KCNQ3: variants seen among roughly 807,000 people sequenced by gnomAD.
KCNQ3 encodes potassium voltage-gated channel subfamily Q member 3, also known as potassium voltage-gated channel subfamily KQT member 3.
A neutral mutation model predicts 92.5 loss-of-function variants in KCNQ3; 30 were observed. That is an observed-to-expected ratio of 0.32 (90% CI 0.24 to 0.44). The LOEUF (loss-of-function observed/expected upper bound fraction) is 0.44, where lower values mean the gene tolerates loss of function less well. Ranked by LOEUF, KCNQ3 falls within the 20% of genes least tolerant of loss-of-function variation. The pLI, the probability that KCNQ3 is intolerant of heterozygous loss-of-function variation, is 1.00. For synonymous variants in KCNQ3, 450 were observed against 468.8 expected (o/e 0.96, Z 0.52); for missense variants, 913 against 1,140.3 (o/e 0.80, Z 2.87).
rs1824618474 is a variant in KCNQ3, at chr8:132,125,042, T to C, written c.*4220A>G. 1 of 152,202 alleles carries C rather than the reference T, an allele frequency of 6.6e-6. No homozygotes were observed. The highest frequency in any genetic ancestry group is 2.4e-5 in the African/African-American group (1 of 41,450). 9.4% of individuals were successfully genotyped at this position (152,202 alleles called of 1,614,324 possible). On this transcript the variant is annotated 3_prime_UTR_variant, in exon 15 of 15. Transcript: ENST00000388996. Reference sequence around the variant, plus strand: ...CATAGTCTGTATCATAAGCTTCTCTTGGTCAACATAATGAAATGAAAGTAA... The same window carrying C: ...CATAGTCTGTATCATAAGCTTCTCTCGGTCAACATAATGAAATGAAAGTAA...
intron 1 of KCNQ3, among the ~76,000 whole-genome samples, chr8:132,229,865 C>T (rs1724106054): frequency 6.6e-6 from 1 of 152,152 alleles, no homozygotes; most frequent in Non-Finnish European, 1.5e-5. Context: ...ATTCTAATGA[C>T]ATGCCACAAA....
chr8:132,209,797 T>C (rs982886977), intron 1 of KCNQ3, among the ~76,000 whole-genome samples: 2 of 152,198 alleles, frequency 1.3e-5, no homozygotes, highest in Non-Finnish European at 2.9e-5. Flanking sequence ...AGCTATGATG[T>C]TCAGTAGTTC....
chr8:132,159,439 T>A (rs949650826), intron 9 of KCNQ3, among the ~76,000 whole-genome samples: 4 of 152,156 alleles, frequency 2.6e-5, no homozygotes, highest in Admixed American at 6.5e-5. Flanking sequence ...GGTCCAGAGC[T>A]TAGACAGTAG....
At chr8:132,392,464 G>A (rs1030082361) in intron 1 of KCNQ3, among the ~76,000 whole-genome samples, 1 of 151,838 alleles carries the variant, frequency 6.6e-6, no homozygotes, top group African/African-American at 2.4e-5. Context: ...TCCATCCCAG[G>A]GTCTTTGCAC....
chr8:132,203,366 G>T (rs1214237307), intron 1 of KCNQ3, among the ~76,000 whole-genome samples: 1 of 152,196 alleles, frequency 6.6e-6, no homozygotes, highest in African/African-American at 2.4e-5. Context: ...TGTCAAGGAA[G>T]ACCCTGGGTC....
chr8:132,437,902 C>T (rs554878259), intron 1 of KCNQ3, among the ~76,000 whole-genome samples: 1 of 152,298 alleles, frequency 6.6e-6, no homozygotes, highest in South Asian at 2.1e-4. Context: ...AAGAACATTG[C>T]CCCAGGAAAA....
At chr8:132,229,190 G>A (rs1814544127) in intron 1 of KCNQ3, among the ~76,000 whole-genome samples, 2 of 151,502 alleles carry the variant, frequency 1.3e-5, no homozygotes, top group South Asian at 4.2e-4. Context: ...GGAGGAAGAG[G>A]TTGCAGTGAG....
chr8:132,394,156 T>C (rs1327343016), intron 1 of KCNQ3, among the ~76,000 whole-genome samples: 2 of 152,224 alleles, frequency 1.3e-5, no homozygotes, highest in African/African-American at 4.8e-5. Flanking sequence ...GCGCAAGTAC[T>C]CTCAGGGCCT....
At chr8:132,256,176 A>G (rs947504501) in intron 1 of KCNQ3, among the ~76,000 whole-genome samples, 7 of 152,172 alleles carry the variant, frequency 4.6e-5, no homozygotes, top group African/African-American at 1.7e-4. Flanking sequence ...ACAAAGACAG[A>G]ATCTATATGT....
At position 132,129,417 on chromosome 8, in the gene KCNQ3, C is replaced by A. The variant is rs143789582; in HGVS notation, c.2464G>T (p.Gly822Trp). Residue 822 changes from glycine to tryptophan, a missense_variant, in exon 15 of 15, where the codon GGG (glycine) becomes TGG (tryptophan). Coordinates refer to ENST00000388996, the MANE Select transcript of KCNQ3 (RefSeq NM_004519.4). The surrounding 1 kb of genome is among the most constrained non-coding windows in gnomAD (Gnocchi z 5.9). ...TTCTCCCTCATCCAGCTCGACCCCC[C>A]ATTGGGGCCGAACACATAATCATCT... ...DRDDYVFGPN[G>W]GSSWMREKRY... 1 of 1,614,218 alleles carries A rather than the reference C, an allele frequency of 6.2e-7. No homozygotes were observed. The highest frequency in any genetic ancestry group is 8.5e-7 in the Non-Finnish European group (1 of 1,180,050).
intron 1 of KCNQ3, among the ~76,000 whole-genome samples, chr8:132,375,453 C>A (rs189331048): frequency 1.3e-5 from 2 of 152,286 alleles, no homozygotes; most frequent in East Asian, 3.9e-4. Flanking sequence ...CATTCTGCAG[C>A]CGCTGAGAAA....
chr8:132,139,961 G>A, intron 11 of KCNQ3, 115 bp downstream of exon 11: 1 of 710,436 alleles, frequency 1.4e-6, no homozygotes, highest in Non-Finnish European at 2.4e-6. Flanking sequence ...GGTTAGTGGA[G>A]GGGCTTCTCT....
intron 1 of KCNQ3, among the ~76,000 whole-genome samples, chr8:132,298,056 A>G (rs1241988078): frequency 6.6e-6 from 1 of 152,228 alleles, no homozygotes; most frequent in Non-Finnish European, 1.5e-5. Flanking sequence ...TCCGGCACCC[A>G]GACTGCAGAG....
At chr8:132,427,597 A>C (rs763114830) in intron 1 of KCNQ3, among the ~76,000 whole-genome samples, 2 of 152,212 alleles carry the variant, frequency 1.3e-5, no homozygotes, top group Non-Finnish European at 2.9e-5. Flanking sequence ...ACAGCAATTT[A>C]AGATGTAAAA....
chr8:132,315,273 T>G (rs1289721493), intron 1 of KCNQ3, among the ~76,000 whole-genome samples: 1 of 152,002 alleles, frequency 6.6e-6, no homozygotes, highest in Non-Finnish European at 1.5e-5. Context: ...AGAAGTAGAC[T>G]AATGGCAAAC....
chr8:132,469,045 T>C (rs1352031535), intron 1 of KCNQ3, among the ~76,000 whole-genome samples: 6 of 152,252 alleles, frequency 3.9e-5, no homozygotes, highest in African/African-American at 1.4e-4. Context: ...TCCTGTGACA[T>C]CTGCAAAATC....
chr8:132,180,058 T>A (rs1313842091), intron 4 of KCNQ3, 99 bp downstream of exon 4: 21 of 1,308,984 alleles, frequency 1.6e-5, no homozygotes, highest in Non-Finnish European at 2.2e-5. Flanking sequence ...GGTGGCAGAA[T>A]GACTGCCTTC....
intron 1 of KCNQ3, among the ~76,000 whole-genome samples, chr8:132,330,647 C>A (rs181338476): frequency 1.3e-5 from 2 of 152,288 alleles, no homozygotes; most frequent in African/African-American, 2.4e-5. Context: ...TCTTGAGACC[C>A]CAAAGGCAAA....
intron 1 of KCNQ3, among the ~76,000 whole-genome samples, chr8:132,436,042 T>C (rs951197158): frequency 6.6e-6 from 1 of 152,226 alleles, no homozygotes; most frequent in Non-Finnish European, 1.5e-5. Flanking sequence ...TATTTTTCCA[T>C]GAAATTTCCT....
Sources: allele counts gnomAD v4.1 joint callset (sites outside exome capture counted in the v4.1 genomes callset), GRCh38; gene constraint gnomAD v4.1.1; non-coding constraint Gnocchi (gnomAD v3.1); transcripts MANE v1.5; gene names NCBI Gene and HGNC (gene_info 2026-07-23, HGNC 2026-07-21).